Variants in VCF1 observed in about 807,000 individuals in gnomAD.
VCF1 encodes the protein protein VCF1.
chr17:73,230,264 C>G, the VCF1 span, among the ~76,000 whole-genome samples: 37,636 of 152,042 alleles, frequency 0.25, 5,418 homozygotes, highest in Admixed American at 0.31. Flanking sequence ...CCACTGCACT[C>G]CAGCCTGGTC....
chr17:73,209,350 G>T, the VCF1 span: 1 of 810,026 alleles, frequency 1.2e-6, no homozygotes, highest in Non-Finnish European at 1.9e-6. Context: ...CTTTGAAATT[G>T]CAATAGTGCA....
the VCF1 span, among the ~76,000 whole-genome samples, chr17:73,221,769 C>G: frequency 6.6e-6 from 1 of 151,972 alleles, no homozygotes; most frequent in Non-Finnish European, 1.5e-5. Context: ...GGCGCGGTGG[C>G]TCACGCCTGT....
At chr17:73,232,185 C>A in the VCF1 span, 270 of 1,609,296 alleles carry the variant, frequency 1.7e-4, no homozygotes, top group East Asian at 5.9e-3. Flanking sequence ...TCGGCGGCCG[C>A]CACGCCCACC....
At chr17:73,212,786 T>C in the VCF1 span, 1 of 1,404,786 alleles carries the variant, frequency 7.1e-7, no homozygotes, top group Middle Eastern at 1.8e-4. Context: ...GTAAGTCAAG[T>C]TTTCATCTCA....
the VCF1 span, chr17:73,209,696 C>T: frequency 3.2e-6 from 5 of 1,548,292 alleles, no homozygotes; most frequent in South Asian, 2.4e-5. Context: ...CCTTCCGGCC[C>T]GCTGGCCCTG....
chr17:73,225,007 CAGCAT>C, the VCF1 span, among the ~76,000 whole-genome samples: 8 of 48,030 alleles, frequency 1.7e-4, no homozygotes, highest in African/African-American at 3.6e-4. Flanking sequence ...CAGGACAGGA[CAGCAT>C]AGGATAGGAC....
chr17:73,222,387 T>C, the VCF1 span, among the ~76,000 whole-genome samples: 7 of 151,834 alleles, frequency 4.6e-5, no homozygotes, highest in African/African-American at 7.3e-5. Context: ...AAATCTAAAA[T>C]TGCTTTATAG....
the VCF1 span, chr17:73,207,696 T>C: frequency 7.7e-7 from 1 of 1,292,716 alleles, no homozygotes; most frequent in Non-Finnish European, 1.0e-6. Context: ...ACACGTTTCA[T>C]TTCAGTACGA....
the VCF1 span, among the ~76,000 whole-genome samples, chr17:73,223,888 GA>G: frequency 6.6e-6 from 1 of 151,880 alleles, no homozygotes; most frequent in Admixed American, 6.6e-5. Flanking sequence ...GGCTGAAGAG[GA>G]AGGATCATTT....
the VCF1 span, among the ~76,000 whole-genome samples, chr17:73,211,138 T>C: frequency 6.6e-6 from 1 of 152,112 alleles, no homozygotes; most frequent in African/African-American, 2.4e-5. Flanking sequence ...TGCTTACAAC[T>C]AGGTAAAGTC....
the VCF1 span, chr17:73,229,357 A>G: frequency 1.2e-5 from 12 of 985,458 alleles, no homozygotes; most frequent in East Asian, 9.1e-4. Context: ...TATCAGTTCA[A>G]TCAATCAGAT....
chr17:73,227,652 C>T, the VCF1 span: 2 of 986,662 alleles, frequency 2.0e-6, no homozygotes, highest in African/African-American at 3.5e-5. Flanking sequence ...GTACTCCCTT[C>T]CATATGACAA....
chr17:73,232,127 G>T, the VCF1 span: 1 of 1,610,058 alleles, frequency 6.2e-7, no homozygotes, highest in Non-Finnish European at 8.5e-7. Flanking sequence ...GCGGATGGAA[G>T]CTACGCGGCG....
At chr17:73,225,356 A>C in the VCF1 span, among the ~76,000 whole-genome samples, 2 of 149,174 alleles carry the variant, frequency 1.3e-5, no homozygotes, top group South Asian at 2.1e-4. Flanking sequence ...CAAAAACTAA[A>C]TAAATAAATA....
chr17:73,225,900 T>TATATATAATATATATATATATATATA, the VCF1 span, among the ~76,000 whole-genome samples: 1 of 77,898 alleles, frequency 1.3e-5, no homozygotes, highest in Non-Finnish European at 2.2e-5. Flanking sequence ...TATATATATA[T>TATATATAATATATATATATATATATA]TTTTTTTTTT....
chr17:73,216,519 A>G, the VCF1 span, among the ~76,000 whole-genome samples: 1 of 152,148 alleles, frequency 6.6e-6, no homozygotes, highest in Non-Finnish European at 1.5e-5. Flanking sequence ...AGCTGAGGGG[A>G]AAACAAGGCA....
the VCF1 span, among the ~76,000 whole-genome samples, chr17:73,213,308 T>A: frequency 6.6e-6 from 1 of 151,978 alleles, no homozygotes; most frequent in South Asian, 2.1e-4. Flanking sequence ...ACAACCTAAA[T>A]GTCTAATAGA....
chr17:73,224,276 A>AC, the VCF1 span, among the ~76,000 whole-genome samples: 3 of 151,172 alleles, frequency 2.0e-5, no homozygotes, highest in Non-Finnish European at 3.0e-5. Context: ...AAAAAAAAAA[A>AC]AAAAAAAAAC....
the VCF1 span, among the ~76,000 whole-genome samples, chr17:73,217,842 T>C: frequency 6.9e-3 from 1,043 of 151,614 alleles, 8 homozygotes; most frequent in Middle Eastern, 0.01. Context: ...CGTGGAGGCG[T>C]GCGCCTGGAG....
Sources: gnomAD v4.1 joint callset for allele counts (sites outside exome capture counted in the v4.1 genomes callset) on GRCh38, gnomAD v4.1.1 for gene constraint, MANE v1.5 for transcripts, NCBI Gene and HGNC (gene_info 2026-07-23, HGNC 2026-07-21) for gene names.